The following AP1G1 variants were observed in gnomAD, a reference collection of about 807,000 sequenced individuals.
The protein encoded by AP1G1 is adaptor related protein complex 1 subunit gamma 1, also known as AP-1 complex subunit gamma-1.
In AP1G1, 7 loss-of-function variants were observed where a neutral mutation model predicts 108.3. That is an observed-to-expected ratio of 0.06 (90% CI 0.04 to 0.12). AP1G1 has a LOEUF of 0.12. Among genes scored for constraint, AP1G1 ranks in the 10% least tolerant of loss-of-function variants. The probability of loss-of-function intolerance (pLI) is 1.00; values close to 1 mark genes in which losing one functional copy is unlikely to be tolerated. For synonymous variants in AP1G1, 379 were observed against 353.5 expected, an observed-to-expected ratio of 1.07 and a Z score of -0.81; for missense variants, 756 against 1,010.7, an observed-to-expected ratio of 0.75 and a Z score of 3.42.
chr16:71,748,865 C>T (rs996390448), intron 15 of AP1G1, among the ~76,000 whole-genome samples: 2 of 151,908 alleles, frequency 1.3e-5, no homozygotes, highest in South Asian at 4.2e-4. Context: ...TAAAATCTCA[C>T]AATGGGGCCA....
At position 71,731,518 on chromosome 16, in the gene AP1G1, A is replaced by T. The variant is rs1306284752; in HGVS notation, c.*1540T>A. The T allele has an allele frequency of 7.9e-5, 12 of 151,154 alleles. No homozygotes were observed. 9.4% of individuals were successfully genotyped at this position (151,154 alleles called of 1,614,324 possible). ...CAGTAACAATTGCAAACATTGTAAG[A>T]GCAAGGTGGGCCTCACTTTTTCTTT... is the stretch of plus-strand genomic sequence containing the variant. On this transcript the variant is annotated 3_prime_UTR_variant, in exon 23 of 23. Coordinates refer to ENST00000299980, the MANE Select transcript of AP1G1 (RefSeq NM_001128.6).
At chr16:71,759,516 T>G (rs1415772037) in intron 10 of AP1G1, among the ~76,000 whole-genome samples, 1 of 147,902 alleles carries the variant, frequency 6.8e-6, no homozygotes, top group Non-Finnish European at 1.5e-5. Context: ...ATCCCAGCAC[T>G]TTGGGAGGCC....
chr16:71,761,726 T>C (rs1168990352), intron 9 of AP1G1, among the ~76,000 whole-genome samples, 159 bp from the exon 10 acceptor site: 1 of 149,420 alleles, frequency 6.7e-6, no homozygotes, highest in African/African-American at 2.5e-5. Context: ...TCCCAGAACT[T>C]TGGGAGGCCA....
At chr16:71,775,467 G>C (rs1038750708) in intron 2 of AP1G1, among the ~76,000 whole-genome samples, 5 of 152,068 alleles carry the variant, frequency 3.3e-5, no homozygotes, top group Admixed American at 3.3e-4. Flanking sequence ...TTTTGCATTA[G>C]TTTTGCAGAT....
chr16:71,736,189 A>G (rs2045538106), intron 21 of AP1G1, among the ~76,000 whole-genome samples: 1 of 146,310 alleles, frequency 6.8e-6, no homozygotes, highest in East Asian at 2.0e-4. Flanking sequence ...TATGTAAGCT[A>G]AAGTATTATT....
intron 1 of AP1G1, among the ~76,000 whole-genome samples, chr16:71,793,436 A>C (rs1731678499): frequency 6.6e-6 from 1 of 152,068 alleles, no homozygotes; most frequent in Non-Finnish European, 1.5e-5. Flanking sequence ...AGGAGGGTGG[A>C]CCCAGGAGAT....
At chr16:71,764,798 C>A in intron 7 of AP1G1, 72 bp from the exon 8 acceptor site, 2 of 931,826 alleles carry the variant, frequency 2.1e-6, no homozygotes, top group Non-Finnish European at 3.3e-6. Context: ...GTATGAAATT[C>A]AAATAACTAA....
At chr16:71,808,213 C>T in intron 1 of AP1G1, 1 of 453,074 alleles carries the variant, frequency 2.2e-6, no homozygotes, top group Non-Finnish European at 3.1e-6. Flanking sequence ...ACAACATATA[C>T]ACACACACAC....
At chr16:71,767,263 G>A (rs1174314071) in intron 6 of AP1G1, among the ~76,000 whole-genome samples, 1 of 152,110 alleles carries the variant, frequency 6.6e-6, no homozygotes, top group Non-Finnish European at 1.5e-5. Flanking sequence ...TCATTTTTCA[G>A]ACAAAAATGC....
intron 2 of AP1G1, among the ~76,000 whole-genome samples, chr16:71,782,391 T>G (rs1453557109): frequency 6.6e-6 from 1 of 151,950 alleles, no homozygotes; most frequent in Non-Finnish European, 1.5e-5. Flanking sequence ...CTCGAACTCC[T>G]GAGCTCAAGC....
intron 1 of AP1G1, among the ~76,000 whole-genome samples, chr16:71,794,604 T>C (rs1301900422): frequency 2.0e-5 from 3 of 152,068 alleles, no homozygotes; most frequent in Admixed American, 6.6e-5. Flanking sequence ...AAATTGGGTT[T>C]TGGAGCTTAA....
intron 1 of AP1G1, among the ~76,000 whole-genome samples, chr16:71,799,072 C>T (rs1386641178): frequency 6.6e-6 from 1 of 152,010 alleles, no homozygotes; most frequent in African/African-American, 2.4e-5. Context: ...TCAAATAAGG[C>T]TAGCCCCAGT....
chr16:71,801,685 G>A (rs1487046482), intron 1 of AP1G1, among the ~76,000 whole-genome samples: 1 of 152,192 alleles, frequency 6.6e-6, no homozygotes, highest in African/African-American at 2.4e-5. Flanking sequence ...CAGCAGGGGA[G>A]GCTGAGGCGG....
chr16:71,741,241 A>C (rs1368182633), intron 19 of AP1G1, among the ~76,000 whole-genome samples: 2 of 152,184 alleles, frequency 1.3e-5, no homozygotes, highest in Non-Finnish European at 2.9e-5. Flanking sequence ...TTTTTAAGAA[A>C]TTGACAGCAA....
At chr16:71,784,322 A>G (rs2032125612) in intron 2 of AP1G1, among the ~76,000 whole-genome samples, 1 of 152,336 alleles carries the variant, frequency 6.6e-6, no homozygotes, top group Non-Finnish European at 1.5e-5. Context: ...AGTCACATCC[A>G]GGCAATCTGG....
chr16:71,744,122 T>C (rs1382670763), intron 19 of AP1G1, among the ~76,000 whole-genome samples: 1 of 151,792 alleles, frequency 6.6e-6, no homozygotes, highest in Non-Finnish European at 1.5e-5. Flanking sequence ...TGCGTGCCTG[T>C]GATCCCAGCT....
At chr16:71,790,655 T>C (rs1316573295) in intron 1 of AP1G1, among the ~76,000 whole-genome samples, 1 of 152,150 alleles carries the variant, frequency 6.6e-6, no homozygotes, top group African/African-American at 2.4e-5. Flanking sequence ...TTTCAATGAA[T>C]GGTGCTGGCA....
chr16:71,755,088 G>T (rs2030710089), intron 12 of AP1G1, among the ~76,000 whole-genome samples: 1 of 152,178 alleles, frequency 6.6e-6, no homozygotes. Context: ...ATTCTGCATA[G>T]AGCTGCAATT....
At chr16:71,775,019 C>CTT (rs748508767) in intron 2 of AP1G1, among the ~76,000 whole-genome samples, 120 of 69,668 alleles carry the variant, frequency 1.7e-3, no homozygotes, top group East Asian at 4.4e-3. Flanking sequence ...CCGCGCCTGG[C>CTT]TTTTTTTTTT....
Sources: gnomAD v4.1 joint callset for allele counts (sites outside exome capture counted in the v4.1 genomes callset) on GRCh38, gnomAD v4.1.1 for gene constraint, MANE v1.5 for transcripts, NCBI Gene and HGNC (gene_info 2026-07-23, HGNC 2026-07-21) for gene names.